Variants in PRKAG1 observed in about 807,000 individuals in gnomAD.
PRKAG1 encodes the protein 5'-AMP-activated protein kinase subunit gamma-1.
A neutral mutation model predicts 48.2 loss-of-function variants in PRKAG1; 27 were observed. The ratio of observed to expected loss-of-function variants is 0.56; its 90% CI spans 0.41 to 0.77. The LOEUF (loss-of-function observed/expected upper bound fraction) is 0.77, where lower values mean the gene tolerates loss of function less well. PRKAG1 is among the 30% of genes least tolerant of loss of function. PRKAG1 has a pLI of 0.00. For synonymous variants in PRKAG1, 130 were observed against 147.7 expected (o/e 0.88, Z 0.87); for missense variants, 287 against 398.3 (o/e 0.72, Z 2.38).
At position 49,003,761 on chromosome 12, in the gene PRKAG1, C is replaced by T. The variant is rs1278427785; in HGVS notation, c.699G>A (p.Glu233=). 1.2e-6 allele frequency: 2 copies of T among 1,612,124 alleles called. No individual in the cohort carries two copies. Among genetic ancestry groups the T allele is most frequent in the East Asian group, 2.2e-5 (1 of 44,874 alleles). Residue 233 remains glutamate (E), a synonymous_variant, in exon 9 of 12, where the codon GAG becomes GAA. Transcript: ENST00000548065. The part of the protein sequence containing the change: ...HRVSALPVVD[E]KGRVVDIYSK... ...TCCTTCTGCCCAATCTCTCACCCTT[C>T]TCATCCACCACTGGCAGGGCTGAGA...
chr12:49,004,010 C>A (rs921464995), intron 8 of PRKAG1, 88 bp from the exon 9 acceptor site: 12 of 1,492,960 alleles, frequency 8.0e-6, no homozygotes, highest in African/African-American at 5.6e-5. Context: ...GAAATAAGGG[C>A]TGGGTGCGCC....
Position 49,018,742 on chromosome 12 carries a change from G to C in PRKAG1, c.-2C>G, listed in dbSNP as rs1484683671. On this transcript the variant is annotated 5_prime_UTR_variant, in exon 1 of 12. Transcript: ENST00000548065. ...TCCTGCACTCCTCACCGTCTCCATT[G>C]CAAGAGGCGCCCGGCTTGGTTTCCT... 1 of 1,612,990 alleles carries C rather than the reference G, an allele frequency of 6.2e-7. No homozygotes were observed. The highest frequency in any genetic ancestry group is 8.5e-7 in the Non-Finnish European group (1 of 1,179,984).
Position 49,005,237 on chromosome 12 carries a change from A to G in PRKAG1, c.309+69T>C. On this transcript the variant is annotated intron_variant, in intron 5 of 11. Transcript: ENST00000548065. The surrounding 1 kb of genome is among the most constrained non-coding windows in gnomAD (Gnocchi z 4.1). ...TTAAGCCCTCGTGGCTTGCTTGGAG[A>G]AAAAGAAATGAGAATGAGGGATTTA... 6.2e-7 allele frequency: 1 copy of G among 1,613,126 alleles called. No homozygotes were observed.
At position 49,007,962 on chromosome 12, in the gene PRKAG1, C is replaced by T. The variant is rs369305493; in HGVS notation, c.59-2110G>A. On this transcript the variant is annotated intron_variant, in intron 2 of 11. Transcript: ENST00000548065. ...ACAACCTCAGCCTTCCAGGTTCAAGCGATTCTCCTGCCTCAGCCTCGCAAG... is the reference window on the plus strand; with the variant it reads ...ACAACCTCAGCCTTCCAGGTTCAAGTGATTCTCCTGCCTCAGCCTCGCAAG... Among the ~76,000 whole-genome samples the T allele has an allele frequency of 7.9e-5, 12 of 151,412 alleles. No individual in the cohort carries two copies. The South Asian group carries it at 1.5e-3, about 18-fold the overall frequency.
In PRKAG1 at chr12:49,003,010, G is replaced by A. The variant is rs1941350160; in HGVS notation, c.889-4C>T. 6.2e-7 allele frequency: 1 copy of A among 1,613,844 alleles called. No homozygotes were observed. The highest frequency in any genetic ancestry group is 8.5e-7 in the Non-Finnish European group (1 of 1,179,808). ...CCACCACTACAAGTCGGTGAACCTG[G>A]CACAGAGCAACAAGGGAGAAAGGGA... On this transcript the variant is annotated splice_region_variant and splice_polypyrimidine_tract_variant and intron_variant, in intron 11 of 11. Transcript: ENST00000548065.
intron 1 of PRKAG1, 189 bp downstream of exon 1, chr12:49,018,543 G>A (rs61942217): frequency 6.9e-7 from 1 of 1,447,052 alleles, no homozygotes; most frequent in Non-Finnish European, 9.1e-7. Flanking sequence ...GCGGGGACGC[G>A]GCCCAGTTCC....
chr12:49,016,975 T>C (rs1318432894), intron 1 of PRKAG1: 1 of 362,040 alleles, frequency 2.8e-6, no homozygotes, highest in African/African-American at 2.1e-5. Context: ...TCACCCCCAG[T>C]TCTCTACATA....
intron 2 of PRKAG1, among the ~76,000 whole-genome samples, chr12:49,007,696 A>T (rs1004658949): frequency 1.7e-4 from 25 of 146,914 alleles, no homozygotes; most frequent in South Asian, 6.5e-4. Context: ...GCTAGTTTCC[A>T]TTTTTTTTTT....
intron 2 of PRKAG1, among the ~76,000 whole-genome samples, chr12:49,007,716 G>C (rs1253177959): frequency 6.6e-6 from 1 of 151,512 alleles, no homozygotes; most frequent in Non-Finnish European, 1.5e-5. Context: ...TCATTTTGGG[G>C]CATTATTTAT....
At chr12:49,017,359 A>ACCC (rs1942028872) in intron 1 of PRKAG1, 2 of 338,754 alleles carry the variant, frequency 5.9e-6, no homozygotes, top group African/African-American at 2.7e-5. Flanking sequence ...CACCACCACC[A>ACCC]CCACGCCTGG....
chr12:49,004,005 A>C, intron 8 of PRKAG1, 83 bp from the exon 9 acceptor site: 12 of 1,502,810 alleles, frequency 8.0e-6, no homozygotes, highest in Non-Finnish European at 1.1e-5. Flanking sequence ...TATTAGAAAT[A>C]AGGGCTGGGT....
At chr12:49,004,751 A>G in intron 7 of PRKAG1, 118 bp from the exon 8 acceptor site, 1 of 1,476,030 alleles carries the variant, frequency 6.8e-7, no homozygotes, top group Non-Finnish European at 9.3e-7. Flanking sequence ...GGGGCAGTGT[A>G]CAGGCCAGAC....
intron 10 of PRKAG1, 44 bp downstream of exon 10, chr12:49,003,514 C>CA (rs760963101): frequency 1.9e-6 from 3 of 1,595,444 alleles, no homozygotes; most frequent in Non-Finnish European, 2.6e-6. Flanking sequence ...CAGTGCCCCC[C>CA]CCCCACCACT....
At chr12:49,012,715 C>T in intron 2 of PRKAG1, 1 of 241,376 alleles carries the variant, frequency 4.1e-6, no homozygotes, top group Middle Eastern at 1.6e-3. Flanking sequence ...CTTTAGTGAG[C>T]TTGCTGGGTG....
chr12:49,011,197 GAGAATTC>G (rs1399546854), intron 2 of PRKAG1, among the ~76,000 whole-genome samples: 6 of 152,216 alleles, frequency 3.9e-5, no homozygotes, highest in African/African-American at 1.4e-4. Flanking sequence ...ATTCAAACTT[GAGAATTC>G]AGACTCCCAA....
intron 2 of PRKAG1, among the ~76,000 whole-genome samples, chr12:49,008,154 C>T (rs1033230395): frequency 2.6e-5 from 4 of 152,024 alleles, no homozygotes; most frequent in South Asian, 2.1e-4. Flanking sequence ...CCACTGCACC[C>T]GGCCAGTATT....
intron 2 of PRKAG1, among the ~76,000 whole-genome samples, chr12:49,012,179 T>A (rs951973964): frequency 6.6e-5 from 10 of 152,082 alleles, no homozygotes; most frequent in Admixed American, 5.2e-4. Context: ...TCTTTTCATA[T>A]GTAGTTCACT....
In PRKAG1 at chr12:49,003,218, A is replaced by G. The variant is rs1173223182; in HGVS notation, c.814T>C (p.Tyr272His). ...VTKALQHRSH[Y>H]FEGVLKCYLH... ...TAGCACTTGAGAACACCCTCAAAGT[A>G]ATGTGATCGATGTTGCAAGGCTTTA... The change falls in exon 11 of 12, where the codon TAC (tyrosine) becomes CAC (histidine). Residue 272 changes from tyrosine to histidine, a missense_variant. Tyr to His is a moderately conservative substitution (Grantham distance 83). Around this residue, in one of 2 missense-constraint regions of PRKAG1, gnomAD observed 224 missense variants for 344.3 expected, o/e 0.65. Transcript: ENST00000548065. 2 of 1,614,174 alleles carry G rather than the reference A, an allele frequency of 1.2e-6. No individual in the cohort carries two copies. The highest frequency in any genetic ancestry group is 2.2e-5 in the South Asian group (2 of 91,086).
At chr12:49,006,744 A>G (rs1486899373) in intron 2 of PRKAG1, among the ~76,000 whole-genome samples, 1 of 149,704 alleles carries the variant, frequency 6.7e-6, no homozygotes, top group Admixed American at 6.6e-5. Flanking sequence ...CCAAGGTGGG[A>G]GGATCACCTG....
Sources: allele counts gnomAD v4.1 joint callset (sites outside exome capture counted in the v4.1 genomes callset), GRCh38; gene constraint gnomAD v4.1.1; regional missense constraint gnomAD v4.1.1; non-coding constraint Gnocchi (gnomAD v3.1); transcripts MANE v1.5; gene names NCBI Gene and HGNC (gene_info 2026-07-23, HGNC 2026-07-21).